TTLL4: variants seen among roughly 807,000 people sequenced by gnomAD.
TTLL4 encodes tubulin tyrosine ligase like 4.
TTLL4 carries 85 observed loss-of-function variants against 122.7 expected under a neutral mutation model. The ratio of observed to expected loss-of-function variants is 0.69; its 90% CI spans 0.58 to 0.83. TTLL4 has a LOEUF of 0.83. Among genes scored for constraint, TTLL4 ranks in the 40% least tolerant of loss-of-function variants. TTLL4 has a pLI of 0.00. For missense variants in TTLL4, 1,363 were observed against 1,488.6 expected (o/e 0.92, Z 1.39); for synonymous variants, 553 against 563.0 (o/e 0.98, Z 0.25).
chr2:218,753,453 A>G (rs1299518055), intron 18 of TTLL4, 131 bp from the exon 19 acceptor site: 2 of 982,532 alleles, frequency 2.0e-6, no homozygotes, highest in South Asian at 1.4e-5. Context: ...ACCTGGGCCC[A>G]TGCCTGAGGG....
At chr2:218,735,776 G>T (rs976741365) in intron 2 of TTLL4, among the ~76,000 whole-genome samples, 1 of 151,394 alleles carries the variant, frequency 6.6e-6, no homozygotes, top group Admixed American at 6.6e-5. Context: ...GAGGTCAAGC[G>T]ATTCTCCTGC....
At chr2:218,753,469 G>A in intron 18 of TTLL4, 115 bp from the exon 19 acceptor site, 2 of 1,081,304 alleles carry the variant, frequency 1.8e-6, no homozygotes, top group Admixed American at 1.7e-5. Context: ...GAGGGGTAGG[G>A]AAGGGGAGAA....
At chr2:218,749,192 A>G (rs1942947068) in intron 13 of TTLL4, 61 bp from the exon 14 acceptor site, 4 of 1,591,134 alleles carry the variant, frequency 2.5e-6, no homozygotes, top group Non-Finnish European at 8.6e-7. Context: ...TTGGCAGGAT[A>G]GCTCTGAGTA....
intron 7 of TTLL4, 116 bp from the exon 8 acceptor site, chr2:218,746,039 T>C (rs1009020872): frequency 1.9e-5 from 23 of 1,232,844 alleles, no homozygotes; most frequent in African/African-American, 3.0e-5. Flanking sequence ...GACAGCTCCA[T>C]AGCAACTCTT....
downstream of TTLL4, among the ~76,000 whole-genome samples, chr2:218,759,678 G>T (rs913356853): frequency 4.6e-5 from 7 of 152,146 alleles, no homozygotes; most frequent in Admixed American, 4.6e-4. Flanking sequence ...CTTAAAATGG[G>T]TGAGTAGTAT....
intron 1 of TTLL4, among the ~76,000 whole-genome samples, chr2:218,718,148 C>T (rs539375320): frequency 1.3e-5 from 2 of 152,184 alleles, no homozygotes; most frequent in Non-Finnish European, 2.9e-5. Flanking sequence ...GGACTGTAGA[C>T]TGAACCATTT....
chr2:218,756,588 A>G (rs906854458), downstream of TTLL4, among the ~76,000 whole-genome samples: 1 of 152,330 alleles, frequency 6.6e-6, no homozygotes. Flanking sequence ...AGCATTTGGC[A>G]TATATACTTT....
intron 1 of TTLL4, among the ~76,000 whole-genome samples, chr2:218,722,603 T>C (rs1942079032): frequency 6.6e-6 from 1 of 152,162 alleles, no homozygotes; most frequent in Non-Finnish European, 1.5e-5. Context: ...ACGTTCCTCA[T>C]GAGAGGAAGA....
Position 218,753,605 on chromosome 2 carries a change from C to G in TTLL4, c.3280C>G (p.Leu1094Val), listed in dbSNP as rs761833177. 1 of 1,614,194 alleles carries G rather than the reference C, an allele frequency of 6.2e-7. No individual in the cohort carries two copies. Among genetic ancestry groups the G allele is most frequent in the Non-Finnish European group, 8.5e-7 (1 of 1,180,050 alleles). Reference protein sequence around the residue: ...APVWSLPTSLLTISKDDVILN... With the variant: ...APVWSLPTSLVTISKDDVILN... ...TTAGTGGTCTCTCCCGACATCACTT[C>G]TGACTATCTCAAAGGATGACGTGAT... The change falls in exon 19 of 20, where the codon CTG (leucine) becomes GTG (valine). Residue 1094 changes from leucine to valine, a missense_variant. By Grantham distance (32) the Leu-to-Val change is conservative. Coordinates refer to ENST00000392102, the MANE Select transcript of TTLL4 (RefSeq NM_014640.5).
In TTLL4 at chr2:218,745,060, G is replaced by A. The variant is rs570629750; in HGVS notation, c.1662-49G>A. The stretch of plus-strand genomic sequence containing the variant: ...GTACGTCGTAGTAACGACGCTTCAG[G>A]GCTGTTGCTTTTTCCCTTTCTCTAC... On this transcript the variant is annotated intron_variant, in intron 5 of 19. Coordinates refer to ENST00000392102, the MANE Select transcript of TTLL4 (RefSeq NM_014640.5). 85 of 1,608,366 alleles carry A rather than the reference G, an allele frequency of 5.3e-5. 2 individuals carry two copies. Among genetic ancestry groups the A allele is most frequent in the South Asian group, 4.3e-4 (39 of 90,826 alleles).
chr2:218,722,113 C>T (rs1258414787), intron 1 of TTLL4, among the ~76,000 whole-genome samples: 3 of 152,046 alleles, frequency 2.0e-5, no homozygotes, highest in African/African-American at 7.2e-5. Flanking sequence ...AAGACCTTAT[C>T]TCTACAAAAA....
chr2:218,747,749 C>G lies in TTLL4; in HGVS notation c.2378+24C>G, dbSNP rs759735705. 22 of 1,613,468 alleles carry G rather than the reference C, an allele frequency of 1.4e-5. No homozygotes were observed. Among genetic ancestry groups the G allele is most frequent in the Non-Finnish European group, 1.9e-5 (22 of 1,179,734 alleles). Reference sequence around the variant, plus strand: ...AAGTATGTGACAGTGGTGAGGTATCCTCTGACAATATTGGGGATTTTATTT... The same window carrying G: ...AAGTATGTGACAGTGGTGAGGTATCGTCTGACAATATTGGGGATTTTATTT... On this transcript the variant is annotated intron_variant, in intron 11 of 19. Coordinates refer to ENST00000392102, the MANE Select transcript of TTLL4 (RefSeq NM_014640.5). This position sits in a 1 kb window ranked among gnomAD's most constrained non-coding sequence, Gnocchi z 4.7.
Position 218,746,817 on chromosome 2 carries a change from G to T in TTLL4, c.1975-186G>T. ...GCTTACATTACTCTGTTTTGTCTGTGTTTTAATCATCTTTTGGTGAGTGCT... is the reference window on the plus strand; with the variant it reads ...GCTTACATTACTCTGTTTTGTCTGTTTTTTAATCATCTTTTGGTGAGTGCT... On this transcript the variant is annotated intron_variant, in intron 8 of 19. Transcript: ENST00000392102. 6 of 625,718 alleles carry T rather than the reference G, an allele frequency of 9.6e-6. No individual in the cohort carries two copies. The South Asian group carries it at 1.2e-4, about 13-fold the overall frequency. The allele number at this position is 625,718 out of a possible 1,614,324, so 38.8% of individuals were successfully genotyped here.
rs1942592346 is a variant in TTLL4 at position 218,738,319 on chromosome 2, C to G, written c.643C>G (p.Pro215Ala). Residue 215 changes from proline (P) to alanine (A), a missense_variant, in exon 3 of 20, where the codon CCC becomes GCC. This residue lies in a region of TTLL4 where 760 missense variants were observed against 808.4 expected (regional missense o/e 0.94). Transcript: ENST00000392102. ...ATCTCCACTCTCTTCCTCCTATAAG[C>G]CCATGCTGAATAATAATTCCTTCAT... ...IPSPLSSSYK[P>A]MLNNNSFMWP... is the part of the protein sequence containing the mutation. 6.2e-7 allele frequency: 1 copy of G among 1,614,034 alleles called. No individual in the cohort carries two copies. The highest frequency in any genetic ancestry group is 1.7e-5 in the Admixed American group (1 of 60,010).
intron 2 of TTLL4, among the ~76,000 whole-genome samples, chr2:218,733,189 G>T (rs1450558901): frequency 6.6e-6 from 1 of 152,040 alleles, no homozygotes; most frequent in African/African-American, 2.4e-5. Flanking sequence ...TATCCAACTT[G>T]CTATACTACA....
In TTLL4 at chr2:218,730,311, C is replaced by CAAAAAAAAAAAAAAAAAAAAAAAAAAAAA. The variant is rs548186206; in HGVS notation, c.-99+2974_-99+3002dup. ...TGAAACCCCATCTTTACTAAAAATC[C>CAAAAAAAAAAAAAAAAAAAAAAAAAAAAA]AAAAAAAAAAAAAAAAAAAAAAAAA... On this transcript the variant is annotated intron_variant, in intron 2 of 19. Coordinates refer to ENST00000392102, the MANE Select transcript of TTLL4 (RefSeq NM_014640.5). Among the ~76,000 whole-genome samples the CAAAAAAAAAAAAAAAAAAAAAAAAAAAAA allele has an allele frequency of 1.4e-4, 2 of 14,302 alleles. 1 individual carries two copies. The highest frequency in any genetic ancestry group is 2.4e-4 in the Non-Finnish European group (2 of 8,482). The allele number at this position is 14,302 out of a possible 152,430, so 9.4% of individuals were successfully genotyped here.
At chr2:218,759,215 A>G (rs1943198980), downstream of TTLL4, among the ~76,000 whole-genome samples, 1 of 151,972 alleles carries the variant, frequency 6.6e-6, no homozygotes, top group Non-Finnish European at 1.5e-5. Flanking sequence ...ATTGCACTCC[A>G]GCCCGGGCAA....
In TTLL4 at chr2:218,738,588, G is replaced by T. The variant is rs765586089; in HGVS notation, c.912G>T (p.Trp304Cys). 1.2e-6 allele frequency: 2 copies of T among 1,614,134 alleles called. No homozygotes were observed. Among genetic ancestry groups the T allele is most frequent in the African/African-American group, 1.3e-5 (1 of 75,018 alleles). ...CCACCACCAGTGTTGCCTCTTCCTG[G>T]TATAACCGGAATAACTTAGCCATGA... is the stretch of plus-strand genomic sequence containing the variant. ...DTSTTSVASS[W>C]YNRNNLAMRA... Residue 304 changes from tryptophan to cysteine, a missense_variant, in exon 3 of 20, where the codon TGG becomes TGT. By Grantham distance (215) the Trp-to-Cys change is radical. Transcript: ENST00000392102.
rs1301460060 is a variant in TTLL4, at chr2:218,737,954, C to T, written c.278C>T (p.Thr93Met). ...CPSTLCSSGT[T>M]AVIAGHSSSC... The stretch of plus-strand genomic sequence containing the variant: ...AGCACTTTATGTAGCTCTGGGACCA[C>T]GGCTGTCATTGCAGGCCACAGCAGT... The change falls in exon 3 of 20, where the codon ACG (threonine) becomes ATG (methionine). Residue 93 changes from threonine to methionine, a missense_variant. Transcript: ENST00000392102. 7.4e-6 allele frequency: 12 copies of T among 1,614,230 alleles called. No homozygotes were observed. The highest frequency in any genetic ancestry group is 7.6e-6 in the Non-Finnish European group (9 of 1,180,046).
Sources: allele counts gnomAD v4.1 joint callset (sites outside exome capture counted in the v4.1 genomes callset), GRCh38; gene constraint gnomAD v4.1.1; regional missense constraint gnomAD v4.1.1; non-coding constraint Gnocchi (gnomAD v3.1); transcripts MANE v1.5; gene names NCBI Gene and HGNC (gene_info 2026-07-23, HGNC 2026-07-21).